IQCH: variants seen among roughly 807,000 people sequenced by gnomAD.
The protein encoded by IQCH is IQ motif containing H, also known as IQ domain-containing protein H.
IQCH carries 98 observed loss-of-function variants against 117.0 expected under a neutral mutation model. The ratio of observed to expected loss-of-function variants is 0.84; its 90% CI spans 0.71 to 0.99. The LOEUF (loss-of-function observed/expected upper bound fraction) is 0.99, where lower values mean the gene tolerates loss of function less well. Among genes scored for constraint, IQCH ranks in the 50% least tolerant of loss-of-function variants. The probability of loss-of-function intolerance (pLI) is 0.00; values close to 1 mark genes in which losing one functional copy is unlikely to be tolerated. For synonymous variants in IQCH, 412 were observed against 448.2 expected, an observed-to-expected ratio of 0.92 and a Z score of 1.02; for missense variants, 1,102 against 1,243.8, an observed-to-expected ratio of 0.89 and a Z score of 1.72.
intron 3 of IQCH, among the ~76,000 whole-genome samples, chr15:67,270,916 C>T (rs1285565119): frequency 2.6e-5 from 4 of 152,128 alleles, no homozygotes; most frequent in Non-Finnish European, 5.9e-5. Context: ...GTTCTTGATT[C>T]TGTTAAAGTG....
chr15:67,494,547 T>A lies in IQCH; in HGVS notation c.2970+181T>A, dbSNP rs1265300998. 1.3e-5 allele frequency among the ~76,000 whole-genome samples: 2 copies of A among 152,230 alleles called. No individual in the cohort carries two copies. On this transcript the variant is annotated intron_variant, in intron 20 of 20. Coordinates refer to ENST00000335894, the MANE Select transcript of IQCH (RefSeq NM_001031715.3). The surrounding 1 kb of genome is among the most constrained non-coding windows in gnomAD (Gnocchi z 5.5). ...GAGGCTGTTAGTTAAATTTAATAGTTTGAAACTTTTTCTTTGAAATAGAGT... is the reference window on the plus strand; with the variant it reads ...GAGGCTGTTAGTTAAATTTAATAGTATGAAACTTTTTCTTTGAAATAGAGT...
chr15:67,482,721 G>A (rs1232170332), intron 18 of IQCH, among the ~76,000 whole-genome samples: 2 of 152,166 alleles, frequency 1.3e-5, no homozygotes, highest in Non-Finnish European at 2.9e-5. Flanking sequence ...GTCGAGTGGG[G>A]AGAAAGATGG....
rs1458351067 is a variant in IQCH at position 67,364,981 on chromosome 15, C to T, written c.753+5096C>T. 1.3e-5 allele frequency among the ~76,000 whole-genome samples: 2 copies of T among 152,162 alleles called. No individual in the cohort carries two copies. Among genetic ancestry groups the T allele is most frequent in the Non-Finnish European group, 2.9e-5 (2 of 68,030 alleles). On this transcript the variant is annotated intron_variant, in intron 8 of 20. Transcript: ENST00000335894. The surrounding 1 kb of genome is among the most constrained non-coding windows in gnomAD (Gnocchi z 4.1). The stretch of plus-strand genomic sequence containing the variant: ...TTTGAGATGCGGTCTCTCTCTGTCA[C>T]CTAGTCTGCAGTGCAGTGGCACGAT...
At chr15:67,368,707 T>C (rs1970418209) in intron 8 of IQCH, among the ~76,000 whole-genome samples, 1 of 152,248 alleles carries the variant, frequency 6.6e-6, no homozygotes, top group Non-Finnish European at 1.5e-5. Flanking sequence ...GATATCCATG[T>C]GGTATTATCC....
chr15:67,290,109 T>C (rs1314775737), intron 4 of IQCH, among the ~76,000 whole-genome samples: 1 of 152,124 alleles, frequency 6.6e-6, no homozygotes, highest in Non-Finnish European at 1.5e-5. Context: ...TTTCATTGTC[T>C]TATTTGGTCC....
chr15:67,395,438 C>A lies in IQCH; in HGVS notation c.1780C>A (p.Pro594Thr). The change falls in exon 13 of 21, where the codon CCC (proline) becomes ACC (threonine). Residue 594 changes from proline (P) to threonine (T), a missense_variant. Transcript: ENST00000335894. This position sits in a 1 kb window ranked among gnomAD's most constrained non-coding sequence, Gnocchi z 4.0. The part of the protein sequence containing the change: ...DLAVADMLDI[P>T]ILGSEPELAH... The stretch of plus-strand genomic sequence containing the variant: ...AGCTGTGGCCGATATGTTAGACATA[C>A]CCATCCTGGGCTCTGAGCCTGAACT... 6.2e-7 allele frequency: 1 copy of A among 1,614,078 alleles called. No individual in the cohort carries two copies. The highest frequency in any genetic ancestry group is 1.1e-5 in the South Asian group (1 of 91,074).
Position 67,453,383 on chromosome 15 carries a change from T to G in IQCH, c.2506-11744T>G, listed in dbSNP as rs1659488147. 1.3e-5 allele frequency among the ~76,000 whole-genome samples: 2 copies of G among 152,216 alleles called. No individual in the cohort carries two copies. Among genetic ancestry groups the G allele is most frequent in the Admixed American group, 6.5e-5 (1 of 15,284 alleles). ...ATCTACCTTTGGTCTTTGATGATGG[T>G]GACGTACAGATGGGTTTTTGGTGTA... is the stretch of plus-strand genomic sequence containing the variant. On this transcript the variant is annotated intron_variant, in intron 16 of 20. Transcript: ENST00000335894. The surrounding 1 kb of genome is among the most constrained non-coding windows in gnomAD (Gnocchi z 5.8).
chr15:67,261,733 A>G (rs1300447719), intron 2 of IQCH, among the ~76,000 whole-genome samples: 2 of 152,190 alleles, frequency 1.3e-5, no homozygotes, highest in African/African-American at 4.8e-5. Context: ...ATTACTGTCA[A>G]TCCAACAATA....
chr15:67,345,917 T>A (rs1421321448), intron 6 of IQCH, among the ~76,000 whole-genome samples: 2 of 152,238 alleles, frequency 1.3e-5, no homozygotes, highest in African/African-American at 4.8e-5. Flanking sequence ...AATGAAGGTA[T>A]ACAGGACCGT....
Position 67,466,044 on chromosome 15 carries a change from A to G in IQCH, c.2676+747A>G, listed in dbSNP as rs1179578121. On this transcript the variant is annotated intron_variant, in intron 17 of 20. Coordinates refer to ENST00000335894, the MANE Select transcript of IQCH (RefSeq NM_001031715.3). This position sits in a 1 kb window ranked among gnomAD's most constrained non-coding sequence, Gnocchi z 4.4. ...AATGGACTCCTGTGATCTTCAGGAA[A>G]ATCCCATTTCCCAGCTTGGTTAAGG... Among the ~76,000 whole-genome samples the G allele has an allele frequency of 3.3e-5, 5 of 152,130 alleles. No individual in the cohort carries two copies. The highest frequency in any genetic ancestry group is 7.4e-5 in the Non-Finnish European group (5 of 68,016).
rs546816038 is a variant in IQCH at position 67,417,170 on chromosome 15, C to T, written c.2218+119C>T. ...TCTCCTGTGTTGGTTTAGAAAAGTGCTCCTACGGTTTTCTTTTTCAAATGT... is the reference window on the plus strand; with the variant it reads ...TCTCCTGTGTTGGTTTAGAAAAGTGTTCCTACGGTTTTCTTTTTCAAATGT... On this transcript the variant is annotated intron_variant, in intron 15 of 20. Transcript: ENST00000335894. This position sits in a 1 kb window ranked among gnomAD's most constrained non-coding sequence, Gnocchi z 4.3. 6.4e-6 allele frequency: 5 copies of T among 783,092 alleles called. No homozygotes were observed. The highest frequency in any genetic ancestry group is 5.4e-5 in the African/African-American group (3 of 55,412). The allele number at this position is 783,092 out of a possible 1,614,324, so 48.5% of individuals were successfully genotyped here.
chr15:67,318,215 T>A (rs937127171), intron 4 of IQCH, among the ~76,000 whole-genome samples: 1 of 152,128 alleles, frequency 6.6e-6, no homozygotes, highest in Non-Finnish European at 1.5e-5. Flanking sequence ...CTTCTTGCCT[T>A]CCTTTCCTTC....
At chr15:67,418,300 C>A (rs1278632068) in intron 15 of IQCH, among the ~76,000 whole-genome samples, 1 of 152,186 alleles carries the variant, frequency 6.6e-6, no homozygotes, top group South Asian at 2.1e-4. Context: ...ATTGGATACC[C>A]TGATAATGAA....
At chr15:67,287,329 G>A (rs1380101429) in intron 4 of IQCH, among the ~76,000 whole-genome samples, 1 of 152,166 alleles carries the variant, frequency 6.6e-6, no homozygotes, top group Non-Finnish European at 1.5e-5. Flanking sequence ...TATTGGAATA[G>A]TTTGAGTAGG....
In IQCH at chr15:67,366,381, A is replaced by G. The variant is rs1406163418; in HGVS notation, c.754-5730A>G. On this transcript the variant is annotated intron_variant, in intron 8 of 20. Coordinates refer to ENST00000335894, the MANE Select transcript of IQCH (RefSeq NM_001031715.3). This position sits in a 1 kb window ranked among gnomAD's most constrained non-coding sequence, Gnocchi z 4.4. ...TTTCACATTTGACTGAAAATAGACC[A>G]TCTATTTACAAAATCTTCTTGATTC... is the stretch of plus-strand genomic sequence containing the variant. Among the ~76,000 whole-genome samples, 1 of 152,242 alleles carries G rather than the reference A, an allele frequency of 6.6e-6. No individual in the cohort carries two copies. The highest frequency in any genetic ancestry group is 1.5e-5 in the Non-Finnish European group (1 of 68,040).
In IQCH at chr15:67,416,814, G is replaced by A; in HGVS notation, c.2098-117G>A. On this transcript the variant is annotated intron_variant, in intron 14 of 20. Coordinates refer to ENST00000335894, the MANE Select transcript of IQCH (RefSeq NM_001031715.3). This position sits in a 1 kb window ranked among gnomAD's most constrained non-coding sequence, Gnocchi z 5.1. ...TTTTCAAAATGGCTTTCTGACTCTG[G>A]GTAAACAGTAACCACATTTTTTTTG... The A allele has an allele frequency of 2.7e-6, 2 of 733,744 alleles. No individual in the cohort carries two copies. Among genetic ancestry groups the A allele is most frequent in the Non-Finnish European group, 4.0e-6 (2 of 499,224 alleles). The allele number at this position is 733,744 out of a possible 1,614,324, so 45.5% of individuals were successfully genotyped here. A position where few individuals can be genotyped will look rare whatever the true frequency, so the allele number is the denominator to read the frequency against.
intron 4 of IQCH, among the ~76,000 whole-genome samples, chr15:67,317,532 A>G (rs1411105411): frequency 6.6e-6 from 1 of 152,134 alleles, no homozygotes. Context: ...GATAATGTCT[A>G]TCCAGCTCTT....
rs1375002134 is a variant in IQCH at position 67,271,614 on chromosome 15, GC to G, written c.270-7780del. Among the ~76,000 whole-genome samples the G allele has an allele frequency of 8.5e-5, 13 of 152,184 alleles. No individual in the cohort carries two copies. The East Asian group carries it at 2.5e-3, about 29-fold the overall frequency. ...CTTTACTCCTTATTGGTTTGTTGAG[GC>G]TTTCTATTTCTTTATGGTTCAATCT... On this transcript the variant is annotated intron_variant, in intron 3 of 20. Transcript: ENST00000335894.
intron 3 of IQCH, among the ~76,000 whole-genome samples, chr15:67,275,173 T>G (rs1416248812): frequency 6.6e-6 from 1 of 152,222 alleles, no homozygotes; most frequent in African/African-American, 2.4e-5. Flanking sequence ...CCTGATACTT[T>G]CCATGGGTTG....
Sources: allele counts gnomAD v4.1 joint callset (sites outside exome capture counted in the v4.1 genomes callset), GRCh38; gene constraint gnomAD v4.1.1; non-coding constraint Gnocchi (gnomAD v3.1); transcripts MANE v1.5; gene names NCBI Gene and HGNC (gene_info 2026-07-23, HGNC 2026-07-21).